The following IFFO1 variants were observed in gnomAD, a reference collection of about 807,000 sequenced individuals.
The protein encoded by IFFO1 is intermediate filament family orphan 1.
In IFFO1, 42 loss-of-function variants were observed where a neutral mutation model predicts 59.6. That is an observed-to-expected ratio of 0.70 (90% confidence interval 0.55 to 0.91). IFFO1 has a LOEUF of 0.91. Among genes scored for constraint, IFFO1 ranks in the 40% least tolerant of loss-of-function variants. The pLI is 0.00. For synonymous variants in IFFO1, 336 were observed against 342.8 expected, an observed-to-expected ratio of 0.98 and a Z score of 0.22; for missense variants, 711 against 793.2, an observed-to-expected ratio of 0.90 and a Z score of 1.24.
rs572127218 is a variant in IFFO1 at position 6,541,619 on chromosome 12, G to A, written c.1503C>T (p.Asn501=). 10 of 1,614,116 alleles carry A rather than the reference G, an allele frequency of 6.2e-6. No individual in the cohort carries two copies. The Admixed American group carries it at 8.3e-5, about 13-fold the overall frequency. ...QIELELATAK[N]DMNRHLHEYM... is the part of the protein sequence containing the mutation. Reference sequence around the variant, plus strand: ...ACTCGTGCAGGTGCCGGTTCATGTCGTTCTTGGCCGTGGCCAACTCCAGCT... The same window carrying A: ...ACTCGTGCAGGTGCCGGTTCATGTCATTCTTGGCCGTGGCCAACTCCAGCT... Residue 501 remains asparagine (N), a synonymous_variant, in exon 9 of 10, where the codon AAC becomes AAT. Coordinates refer to ENST00000619571, the MANE Select transcript of IFFO1 (RefSeq NM_001193457.2). This position sits in a 1 kb window ranked among gnomAD's most constrained non-coding sequence, Gnocchi z 4.8.
chr12:6,549,009 C>A lies in IFFO1; in HGVS notation c.1081-160G>T. Reference sequence around the variant, plus strand: ...CAGGAACAGAAACACGGACAGTCACCAAGGGCCAGACACACAGCGGGGGTC... The same window carrying A: ...CAGGAACAGAAACACGGACAGTCACAAAGGGCCAGACACACAGCGGGGGTC... On this transcript the variant is annotated intron_variant, in intron 5 of 9. Coordinates refer to ENST00000619571, the MANE Select transcript of IFFO1 (RefSeq NM_001193457.2). The surrounding 1 kb of genome is among the most constrained non-coding windows in gnomAD (Gnocchi z 5.0). 1.5e-6 allele frequency: 1 copy of A among 650,274 alleles called. No homozygotes were observed. Among genetic ancestry groups the A allele is most frequent in the Middle Eastern group, 3.4e-4 (1 of 2,936 alleles). 40.3% of individuals were successfully genotyped at this position (650,274 alleles called of 1,614,324 possible). A position where few individuals can be genotyped will look rare whatever the true frequency, so the allele number is the denominator to read the frequency against.
intron 8 of IFFO1, among the ~76,000 whole-genome samples, chr12:6,546,115 C>T (rs1371740071): frequency 1.3e-5 from 2 of 152,212 alleles, no homozygotes; most frequent in African/African-American, 2.4e-5. Flanking sequence ...AAGGTACCGC[C>T]ACAGCGCACG....
At position 6,541,673 on chromosome 12, in the gene IFFO1, T is replaced by G. The variant is rs1432497631; in HGVS notation, c.1480-31A>C. ...GTGGGGCAGGCAGGGCCATCGGGGT[T>G]AACAGGTGGCGTTCACAGCGCCTCT... On this transcript the variant is annotated intron_variant, in intron 8 of 9. Coordinates refer to ENST00000619571, the MANE Select transcript of IFFO1 (RefSeq NM_001193457.2). The surrounding 1 kb of genome is among the most constrained non-coding windows in gnomAD (Gnocchi z 4.8). 1 of 1,612,816 alleles carries G rather than the reference T, an allele frequency of 6.2e-7. No individual in the cohort carries two copies. The highest frequency in any genetic ancestry group is 1.3e-5 in the African/African-American group (1 of 74,918).
chr12:6,548,688 C>A lies in IFFO1; in HGVS notation c.1242G>T (p.Met414Ile). 6.2e-7 allele frequency: 1 copy of A among 1,614,158 alleles called. No individual in the cohort carries two copies. The highest frequency in any genetic ancestry group is 8.5e-7 in the Non-Finnish European group (1 of 1,180,036). The change falls in exon 6 of 10, where the codon ATG (methionine) becomes ATT (isoleucine). Residue 414 changes from methionine to isoleucine, a missense_variant. Met to Ile is a conservative substitution (Grantham distance 10). This residue lies in a region of IFFO1 where 579 missense variants were observed against 650.3 expected (regional missense o/e 0.89). Coordinates refer to ENST00000619571, the MANE Select transcript of IFFO1 (RefSeq NM_001193457.2). The surrounding 1 kb of genome is among the most constrained non-coding windows in gnomAD (Gnocchi z 6.1). ...CTCACAGCTGGTTGAGCATGCGCTG[C>A]ATCTCCTCGTTGATGCTGAGGGCTG... The part of the protein sequence containing the change: ...ESTALSINEE[M>I]QRMLNQLREY...
Position 6,556,007 on chromosome 12 carries a change from T to G in IFFO1, c.23A>C (p.Asn8Thr). The change falls in exon 1 of 10, where the codon AAC becomes ACC. Residue 8 changes from asparagine (N) to threonine (T), a missense_variant. Transcript: ENST00000619571. ...CTGCTCCTGCTGCAGGAGGAAGAGGTTGGGGCCGAATAACGGATTCATGGC... is the reference window on the plus strand; with the variant it reads ...CTGCTCCTGCTGCAGGAGGAAGAGGGTGGGGCCGAATAACGGATTCATGGC... MNPLFGP[N>T]LFLLQQEQQG... 6.3e-7 allele frequency: 1 copy of G among 1,580,786 alleles called. No homozygotes were observed. The highest frequency in any genetic ancestry group is 8.5e-7 in the Non-Finnish European group (1 of 1,171,344).
At position 6,549,968 on chromosome 12, in the gene IFFO1, G is replaced by T; in HGVS notation, c.931-72C>A. 1 of 1,500,990 alleles carries T rather than the reference G, an allele frequency of 6.7e-7. No individual in the cohort carries two copies. Among genetic ancestry groups the T allele is most frequent in the South Asian group, 1.3e-5 (1 of 79,264 alleles). The allele number at this position is 1,500,990 out of a possible 1,614,324, so 93.0% of individuals were successfully genotyped here. On this transcript the variant is annotated intron_variant, in intron 3 of 9. Transcript: ENST00000619571. This position sits in a 1 kb window ranked among gnomAD's most constrained non-coding sequence, Gnocchi z 5.0. ...GACAAGGACGAATTAGGCCTGGCAAGGTCCTCATCCTTCCCACCACATTGC... is the reference window on the plus strand; with the variant it reads ...GACAAGGACGAATTAGGCCTGGCAATGTCCTCATCCTTCCCACCACATTGC...
In IFFO1 at chr12:6,541,444, GGCTGTGTTCCAACCTTTCTCCCC is replaced by G. The variant is rs1241342180; in HGVS notation, c.1610+45_1610+67del. 29 of 1,587,180 alleles carry G rather than the reference GGCTGTGTTCCAACCTTTCTCCCC, an allele frequency of 1.8e-5. No individual in the cohort carries two copies. Among genetic ancestry groups the G allele is most frequent in the Non-Finnish European group, 2.2e-5 (26 of 1,166,876 alleles). On this transcript the variant is annotated intron_variant, in intron 9 of 9. Transcript: ENST00000619571. This position sits in a 1 kb window ranked among gnomAD's most constrained non-coding sequence, Gnocchi z 4.8. ...CCAGTCATTGCCTGAGGGTCTCTGG[GGCTGTGTTCCAACCTTTCTCCCC>G]GCTGTGTCCCCCTGGAAGGCCCCAT... is the stretch of plus-strand genomic sequence containing the variant.
Position 6,548,899 on chromosome 12 carries a change from C to T in IFFO1, c.1081-50G>A. 3 of 1,513,574 alleles carry T rather than the reference C, an allele frequency of 2.0e-6. No individual in the cohort carries two copies. The highest frequency in any genetic ancestry group is 1.8e-6 in the Non-Finnish European group (2 of 1,114,272). 93.8% of individuals were successfully genotyped at this position (1,513,574 alleles called of 1,614,324 possible). A position where few individuals can be genotyped will look rare whatever the true frequency, so the allele number is the denominator to read the frequency against. On this transcript the variant is annotated intron_variant, in intron 5 of 9. Transcript: ENST00000619571. This position sits in a 1 kb window ranked among gnomAD's most constrained non-coding sequence, Gnocchi z 6.1. ...GAGGAGAAAGGGCGGGAGCGGGAGG[C>T]CGGGCAGAGAGGGTGGGAATGGGGG...
At position 6,540,715 on chromosome 12, in the gene IFFO1, G is replaced by A. The variant is rs1946671096; in HGVS notation, c.1611-127C>T. The A allele has an allele frequency of 9.4e-5, 72 of 765,218 alleles. 5 individuals carry two copies. In the South Asian group the frequency reaches 1.2e-3, roughly 12 times the overall value. 47.4% of individuals were successfully genotyped at this position (765,218 alleles called of 1,614,324 possible). ...GTACCGGAAGCGAGGGCGGGGCCGC[G>A]GGATGGCGAGGGAGCGGCAGGGACT... On this transcript the variant is annotated intron_variant, in intron 9 of 9. Coordinates refer to ENST00000619571, the MANE Select transcript of IFFO1 (RefSeq NM_001193457.2).
Position 6,548,002 on chromosome 12 carries a change from G to A in IFFO1, c.1479+63C>T, listed in dbSNP as rs565658070. 38 of 1,217,228 alleles carry A rather than the reference G, an allele frequency of 3.1e-5. No homozygotes were observed. The South Asian group carries it at 3.5e-4, about 11-fold the overall frequency. The allele number at this position is 1,217,228 out of a possible 1,614,324, so 75.4% of individuals were successfully genotyped here. A position where few individuals can be genotyped will look rare whatever the true frequency, so the allele number is the denominator to read the frequency against. On this transcript the variant is annotated intron_variant, in intron 8 of 9. Transcript: ENST00000619571. This position sits in a 1 kb window ranked among gnomAD's most constrained non-coding sequence, Gnocchi z 6.1. Reference sequence around the variant, plus strand: ...CCTGCAGCAGGGATGAGGCCACTGCGCCTGCAGCCCCACTCAAAACCCTCT... The same window carrying A: ...CCTGCAGCAGGGATGAGGCCACTGCACCTGCAGCCCCACTCAAAACCCTCT...
At chr12:6,552,918 G>A (rs936441640) in intron 1 of IFFO1, among the ~76,000 whole-genome samples, 3 of 152,136 alleles carry the variant, frequency 2.0e-5, no homozygotes. Context: ...ATATCCATGT[G>A]TTCTGCATGG....
At chr12:6,552,023 A>C (rs1947260365) in intron 1 of IFFO1, 1 of 155,460 alleles carries the variant, frequency 6.4e-6, no homozygotes, top group Non-Finnish European at 1.4e-5. Context: ...GCACATCTCA[A>C]ATCCTGTTCC....
intron 1 of IFFO1, among the ~76,000 whole-genome samples, chr12:6,552,805 T>C (rs933466430): frequency 3.3e-5 from 5 of 152,196 alleles, no homozygotes; most frequent in Non-Finnish European, 2.9e-5. Context: ...TACAGTTCTA[T>C]TTGTTCTTTG....
At chr12:6,546,383 A>C (rs1946963961) in intron 8 of IFFO1, among the ~76,000 whole-genome samples, 1 of 152,184 alleles carries the variant, frequency 6.6e-6, no homozygotes, top group African/African-American at 2.4e-5. Context: ...GAGCGTCGGG[A>C]AAGGACCACC....
At chr12:6,539,533 A>C (rs895809517), downstream of IFFO1, 1 of 152,204 alleles carries the variant, frequency 6.6e-6, no homozygotes, top group African/African-American at 2.4e-5. Context: ...CAAAGTGCAC[A>C]ATAAATACTC....
intron 8 of IFFO1, among the ~76,000 whole-genome samples, chr12:6,543,172 A>G (rs115520447): frequency 0.02 from 3,040 of 152,274 alleles, 102 homozygotes; most frequent in African/African-American, 0.068. Flanking sequence ...ACCTTGCTCC[A>G]TCTTAGTGAC....
rs539978241 is a variant in IFFO1, at chr12:6,551,547, G to A, written c.774-546C>T. 89 of 1,139,432 alleles carry A rather than the reference G, an allele frequency of 7.8e-5. No homozygotes were observed. The African/African-American group carries it at 1.3e-3, about 17-fold the overall frequency. The allele number at this position is 1,139,432 out of a possible 1,614,324, so 70.6% of individuals were successfully genotyped here. A position where few individuals can be genotyped will look rare whatever the true frequency, so the allele number is the denominator to read the frequency against. Reference sequence around the variant, plus strand: ...ATCAACAGAGTGGGTCAAGAGCCTGGTAGGAGACACTCAAAGTCCTTCCCC... The same window carrying A: ...ATCAACAGAGTGGGTCAAGAGCCTGATAGGAGACACTCAAAGTCCTTCCCC... On this transcript the variant is annotated intron_variant, in intron 1 of 9. Transcript: ENST00000619571.
chr12:6,553,103 A>C (rs1310723656), intron 1 of IFFO1, among the ~76,000 whole-genome samples: 1 of 152,196 alleles, frequency 6.6e-6, no homozygotes, highest in Non-Finnish European at 1.5e-5. Context: ...AAGCCATCCC[A>C]GGCCTTCCAG....
chr12:6,549,790 TG>T lies in IFFO1; in HGVS notation c.1036del (p.Gln346SerfsTer7). The T allele has an allele frequency of 6.2e-7, 1 of 1,614,126 alleles. No individual in the cohort carries two copies. Among genetic ancestry groups the T allele is most frequent in the South Asian group, 1.1e-5 (1 of 91,084 alleles). ...CTGGATCATGTCCTCGCAGTTGCGCTGCTGAGCCACATCGCAGAGCTTGGCG... is the reference window on the plus strand; with the variant it reads ...CTGGATCATGTCCTCGCAGTTGCGCTCTGAGCCACATCGCAGAGCTTGGCG... The part of the protein sequence containing the change: ...ITAKLCDVAQ[Q>X]RNCEDMIQMF... On this transcript the variant is annotated frameshift_variant, in exon 4 of 10. Coordinates refer to ENST00000619571, the MANE Select transcript of IFFO1 (RefSeq NM_001193457.2). LOFTEE classifies it high-confidence loss of function. The surrounding 1 kb of genome is among the most constrained non-coding windows in gnomAD (Gnocchi z 5.0).
Sources: allele counts gnomAD v4.1 joint callset (sites outside exome capture counted in the v4.1 genomes callset), GRCh38; gene constraint gnomAD v4.1.1; regional missense constraint gnomAD v4.1.1; non-coding constraint Gnocchi (gnomAD v3.1); transcripts MANE v1.5; gene names NCBI Gene and HGNC (gene_info 2026-07-23, HGNC 2026-07-21).